The following ADD1 variants were observed in gnomAD, a reference collection of about 807,000 sequenced individuals.
ADD1 encodes the protein alpha-adducin.
In ADD1, 24 loss-of-function variants were observed where a neutral mutation model predicts 80.5. The ratio of observed to expected loss-of-function variants is 0.30; its 90% CI spans 0.22 to 0.42. The LOEUF is 0.42. Among genes scored for constraint, ADD1 ranks in the 10% least tolerant of loss-of-function variants. ADD1 has a pLI of 1.00. For synonymous variants in ADD1, 373 were observed against 393.8 expected, an observed-to-expected ratio of 0.95 and a Z score of 0.63; for missense variants, 948 against 1,019.0, an observed-to-expected ratio of 0.93 and a Z score of 0.95.
intron 9 of ADD1, chr4:2,900,077 G>A (rs2109034704): frequency 6.5e-6 from 1 of 154,914 alleles, no homozygotes; most frequent in Non-Finnish European, 1.4e-5. Flanking sequence ...TATGTGGAAG[G>A]TAGCCCTTGG....
In ADD1 at chr4:2,879,452, G is replaced by A. The variant is rs74807051; in HGVS notation, c.196-2446G>A. On this transcript the variant is annotated intron_variant, in intron 2 of 15. Transcript: ENST00000683351. ...CGCCTGGTACTTAGTAGTGTGTGTCGAATTGAGCTTTCCCTAGATCTGTAT... is the reference window on the plus strand; with the variant it reads ...CGCCTGGTACTTAGTAGTGTGTGTCAAATTGAGCTTTCCCTAGATCTGTAT... Among the ~76,000 whole-genome samples, 804 of 152,178 alleles carry A rather than the reference G, an allele frequency of 5.3e-3. 3 individuals carry two copies. Among genetic ancestry groups the A allele is most frequent in the African/African-American group, 0.018 (751 of 41,490 alleles).
At chr4:2,868,991 G>A (rs1478688460) in intron 1 of ADD1, among the ~76,000 whole-genome samples, 1 of 152,164 alleles carries the variant, frequency 6.6e-6, no homozygotes, top group Non-Finnish European at 1.5e-5. Flanking sequence ...GAAATCAGAC[G>A]ACGGTTGACT....
intron 6 of ADD1, among the ~76,000 whole-genome samples, chr4:2,896,088 C>T (rs1361340837): frequency 1.3e-5 from 2 of 151,664 alleles, no homozygotes; most frequent in South Asian, 2.1e-4. Flanking sequence ...TGGGTTTCAC[C>T]GTGTTAGCCA....
At chr4:2,902,653 C>G (rs1040988735) in intron 9 of ADD1, 2 of 152,066 alleles carry the variant, frequency 1.3e-5, no homozygotes, top group South Asian at 2.1e-4. Context: ...GCACTTGAAC[C>G]CGGGAGGCAG....
intron 14 of ADD1, among the ~76,000 whole-genome samples, chr4:2,920,686 T>C (rs1739870442): frequency 6.6e-6 from 1 of 151,596 alleles, no homozygotes; most frequent in Admixed American, 6.6e-5. Context: ...TTCTTTTGCT[T>C]GGTAAATATT....
At chr4:2,862,355 CATT>C (rs1728940437) in intron 1 of ADD1, among the ~76,000 whole-genome samples, 2 of 152,222 alleles carry the variant, frequency 1.3e-5, no homozygotes, top group South Asian at 4.1e-4. Flanking sequence ...CTACCCCTGA[CATT>C]AGTTTTCTAT....
intron 14 of ADD1, among the ~76,000 whole-genome samples, chr4:2,923,048 A>G (rs1740336303): frequency 6.6e-6 from 1 of 152,212 alleles, no homozygotes; most frequent in Admixed American, 6.5e-5. Context: ...AAGAATTTCA[A>G]GCCAGTGGAT....
At chr4:2,904,056 TA>T (rs1736634055) in intron 9 of ADD1, among the ~76,000 whole-genome samples, 1 of 152,166 alleles carries the variant, frequency 6.6e-6, no homozygotes, top group African/African-American at 2.4e-5. Context: ...ACTTAAGAGG[TA>T]AAAGTCTATT....
intron 8 of ADD1, chr4:2,898,776 A>G (rs1735684610): frequency 2.0e-6 from 1 of 503,640 alleles, no homozygotes; most frequent in Admixed American, 3.2e-5. Context: ...ACTACCATTT[A>G]TGGAGTACTG....
intron 1 of ADD1, among the ~76,000 whole-genome samples, chr4:2,874,012 C>T (rs1320145272): frequency 1.3e-5 from 2 of 151,876 alleles, no homozygotes; most frequent in African/African-American, 4.8e-5. Context: ...GAGTTTGAGA[C>T]CAGCCCGGGC....
Position 2,884,834 on chromosome 4 carries a change from T to A in ADD1, c.510+168T>A, listed in dbSNP as rs373466803. ...GTAATAACCTGAGAATCAGCCAGTT[T>A]GGGTTAAAAGTTACAGGAACAGCAG... On this transcript the variant is annotated intron_variant, in intron 4 of 15. Transcript: ENST00000683351. Among the ~76,000 whole-genome samples, 16 of 152,356 alleles carry A rather than the reference T, an allele frequency of 1.1e-4. No individual in the cohort carries two copies. The South Asian group carries it at 1.9e-3, about 18-fold the overall frequency.
At chr4:2,853,685 C>T (rs1190796467) in intron 1 of ADD1, 1 of 151,898 alleles carries the variant, frequency 6.6e-6, no homozygotes, top group Non-Finnish European at 1.5e-5. Context: ...CTCACCGCAA[C>T]CTTCGCCTCC....
chr4:2,894,290 G>A (rs547216273), intron 5 of ADD1, among the ~76,000 whole-genome samples, 197 bp downstream of exon 5: 1 of 152,222 alleles, frequency 6.6e-6, no homozygotes, highest in Admixed American at 6.5e-5. Flanking sequence ...TCTAGTTAGG[G>A]TAATTTGAAG....
At chr4:2,886,476 G>A (rs911408805) in intron 4 of ADD1, among the ~76,000 whole-genome samples, 6 of 152,080 alleles carry the variant, frequency 3.9e-5, no homozygotes, top group African/African-American at 1.4e-4. Context: ...TGTGCGGCAC[G>A]GTCACTCTGT....
rs749350133 is a variant in ADD1 at position 2,876,013 on chromosome 4, C to T, written c.98C>T (p.Pro33Leu). Reference protein sequence around the residue: ...RYFDRVDENNPEYLRERNMAP... With the variant: ...RYFDRVDENNLEYLRERNMAP... Reference sequence around the variant, plus strand: ...TTCGACCGAGTAGATGAGAACAACCCAGAGTACTTGAGGGAGAGGAACATG... The same window carrying T: ...TTCGACCGAGTAGATGAGAACAACCTAGAGTACTTGAGGGAGAGGAACATG... Residue 33 changes from proline to leucine, a missense_variant, in exon 2 of 16, where the codon CCA (proline) becomes CTA (leucine). Pro to Leu is a moderately conservative substitution (Grantham distance 98). Coordinates refer to ENST00000683351, the MANE Select transcript of ADD1 (RefSeq NM_001354761.2). 3.3e-5 allele frequency: 54 copies of T among 1,614,022 alleles called. 1 individual carries two copies. The Admixed American group carries it at 8.5e-4, about 25-fold the overall frequency.
intron 14 of ADD1, among the ~76,000 whole-genome samples, chr4:2,922,255 TTCC>T (rs3034865): frequency 0.053 from 8,141 of 152,250 alleles, 392 homozygotes; most frequent in African/African-American, 0.13. Flanking sequence ...GCACTGGTTT[TTCC>T]TCGTCTTTGT....
intron 13 of ADD1, among the ~76,000 whole-genome samples, chr4:2,911,080 G>C (rs2109099024): frequency 6.6e-6 from 1 of 152,218 alleles, no homozygotes; most frequent in South Asian, 2.1e-4. Context: ...AGACAGTCTT[G>C]CTCCTTTTGG....
chr4:2,905,130 C>A, intron 10 of ADD1, 22 bp downstream of exon 10: 1 of 1,609,688 alleles, frequency 6.2e-7, no homozygotes. Context: ...CCTTACTGTT[C>A]ATAGTTAGAT....
At chr4:2,914,817 G>A (rs1738704548) in intron 13 of ADD1, 67 bp from the exon 14 acceptor site, 6 of 1,521,684 alleles carry the variant, frequency 3.9e-6, no homozygotes, top group Non-Finnish European at 5.3e-6. Flanking sequence ...CCTGCAGCCT[G>A]CCTGGGAGGA....
Sources: gnomAD v4.1 joint callset for allele counts (sites outside exome capture counted in the v4.1 genomes callset) on GRCh38, gnomAD v4.1.1 for gene constraint, MANE v1.5 for transcripts, NCBI Gene and HGNC (gene_info 2026-07-23, HGNC 2026-07-21) for gene names.